The following ATRX variants were observed in gnomAD, a reference collection of about 807,000 sequenced individuals.
The protein encoded by ATRX is ATRX chromatin remodeler, also known as chromatin remodeler ATRX.
Under a neutral mutation model 172.6 loss-of-function variants are expected in ATRX, and 12 were observed. That is an observed-to-expected ratio of 0.07 (90% CI 0.04 to 0.11). ATRX has a LOEUF of 0.11. ATRX is among the 10% of genes least tolerant of loss of function. The pLI, the probability that ATRX is intolerant of heterozygous loss-of-function variation, is 1.00. For missense variants in ATRX, 1,368 were observed against 1,767.4 expected (o/e 0.77, Z 4.05); for synonymous variants, 674 against 594.7 (o/e 1.13, Z -1.94).
At chrX:77,558,630 C>T (rs1557060201) in intron 29 of ATRX, 39 bp downstream of exon 29, 1 of 1,085,414 alleles carries the variant, frequency 9.2e-7, no homozygotes, top group Admixed American at 2.3e-5. Flanking sequence ...ATCAGTTTCA[C>T]ATAAACTTTC....
chrX:77,666,500 T>A (rs2070242896), intron 10 of ATRX, among the ~76,000 whole-genome samples: 1 of 112,318 alleles, frequency 8.9e-6, no homozygotes, highest in Admixed American at 9.4e-5. Flanking sequence ...AGTTTCAGAA[T>A]AAAGGGAAAC....
Position 77,522,119 on chromosome X carries a change from C to T in ATRX, c.6975+144G>A, listed in dbSNP as rs934089937. Reference sequence around the variant, plus strand: ...CAACATCATGTTGGTTCAAAACGGTCAACAAATAAAACAAAAATTTATTCG... The same window carrying T: ...CAACATCATGTTGGTTCAAAACGGTTAACAAATAAAACAAAAATTTATTCG... On this transcript the variant is annotated intron_variant, in intron 32 of 34. Coordinates refer to ENST00000373344, the MANE Select transcript of ATRX (RefSeq NM_000489.6). 4.8e-6 allele frequency: 4 copies of T among 840,223 alleles called. No homozygotes were observed. In the East Asian group the frequency reaches 1.3e-4, roughly 27 times the overall value. The allele number at this position is 840,223 out of a possible 1,213,427, so 69.2% of individuals were successfully genotyped here. A position where few individuals can be genotyped will look rare whatever the true frequency, so the allele number is the denominator to read the frequency against.
chrX:77,734,483 G>A (rs868954363), intron 1 of ATRX, among the ~76,000 whole-genome samples: 3 of 111,342 alleles, frequency 2.7e-5, no homozygotes, highest in Non-Finnish European at 3.8e-5. Context: ...ATCCATATAC[G>A]GAAGAATGAA....
intron 1 of ATRX, among the ~76,000 whole-genome samples, chrX:77,757,005 C>A (rs1300449454): frequency 9.0e-6 from 1 of 110,863 alleles, no homozygotes; most frequent in Non-Finnish European, 1.9e-5. Context: ...AGGCTGGTCT[C>A]GAACTCCTGG....
chrX:77,772,849 T>C (rs2076207935), intron 1 of ATRX, among the ~76,000 whole-genome samples: 1 of 96,714 alleles, frequency 1.0e-5, no homozygotes, highest in African/African-American at 3.7e-5. Context: ...TCACCACCAA[T>C]TTTTTTTTTT....
rs2071369876 is a variant in ATRX at position 77,683,501 on chromosome X, T to C, written c.1755A>G (p.Glu585=). ...KSKTTAKVTK[E]LYVKLTPVSL... is the part of the protein sequence containing the mutation. ...AAACAGGAGTGAGTTTAACATATAA[T>C]TCTTTTGTTACTTTAGCTGTAGTTT... Residue 585 remains glutamate (E), a synonymous_variant, in exon 9 of 35, where the codon GAA becomes GAG. Coordinates refer to ENST00000373344, the MANE Select transcript of ATRX (RefSeq NM_000489.6). 30 of 1,207,082 alleles carry C rather than the reference T, an allele frequency of 2.5e-5. No homozygotes were observed. Among genetic ancestry groups the C allele is most frequent in the Non-Finnish European group, 3.4e-5 (30 of 892,548 alleles).
At chrX:77,709,341 T>C (rs1006012131) in intron 2 of ATRX, among the ~76,000 whole-genome samples, 4 of 111,848 alleles carry the variant, frequency 3.6e-5, no homozygotes, top group Non-Finnish European at 7.5e-5. Flanking sequence ...ACACCCAGTG[T>C]TGGCAAGGAT....
intron 1 of ATRX, among the ~76,000 whole-genome samples, chrX:77,726,090 A>G (rs1386953457): frequency 1.8e-5 from 2 of 111,742 alleles, no homozygotes; most frequent in African/African-American, 6.5e-5. Context: ...CTAGAACTAG[A>G]AATACCATTT....
At chrX:77,741,494 C>A (rs782806984) in intron 1 of ATRX, among the ~76,000 whole-genome samples, 2 of 110,031 alleles carry the variant, frequency 1.8e-5, no homozygotes, top group Non-Finnish European at 3.8e-5. Flanking sequence ...TGGAGTCTTG[C>A]GCTCTCGCCC....
chrX:77,598,329 GA>G lies in ATRX; in HGVS notation c.5956+1081del, dbSNP rs2066543836. Among the ~76,000 whole-genome samples, 3 of 111,076 alleles carry G rather than the reference GA, an allele frequency of 2.7e-5. No individual in the cohort carries two copies. In the East Asian group the frequency reaches 8.4e-4, roughly 31 times the overall value. ...GGCAAAGACTGAAAAACTAACTACT[GA>G]GTACTATGTTCAGTACCTGGGGATG... is the stretch of plus-strand genomic sequence containing the variant. On this transcript the variant is annotated intron_variant, in intron 25 of 34. Transcript: ENST00000373344.
chrX:77,616,418 C>A, intron 22 of ATRX, 195 bp downstream of exon 22: 1 of 1,107,645 alleles, frequency 9.0e-7, no homozygotes. Flanking sequence ...TCTTTTTCAT[C>A]AATTTGCTTC....
At position 77,506,897 on chromosome X, in the gene ATRX, C is replaced by CTTTTTTTTTTT. The variant is rs139948612; in HGVS notation, c.*1443_*1453dup. Reference sequence around the variant, plus strand: ...TAAAGCAAAGCCCAAACCCAGTTTTCTTTTTTTTTTTTTTTTTTTTTTTTT... The same window carrying CTTTTTTTTTTT: ...TAAAGCAAAGCCCAAACCCAGTTTTCTTTTTTTTTTTTTTTTTTTTTTTTTTTTTTTTTTTT... On this transcript the variant is annotated 3_prime_UTR_variant, in exon 35 of 35. Coordinates refer to ENST00000373344, the MANE Select transcript of ATRX (RefSeq NM_000489.6). The CTTTTTTTTTTT allele has an allele frequency of 5.0e-5, 3 of 60,065 alleles. No individual in the cohort carries two copies. Among genetic ancestry groups the CTTTTTTTTTTT allele is most frequent in the Non-Finnish European group, 6.1e-5 (2 of 32,948 alleles). 5.0% of individuals were successfully genotyped at this position (60,065 alleles called of 1,213,427 possible).
At chrX:77,636,888 AGAAGAAGAAAGAAGAAGAAGAAG>A (rs1159060600) in intron 15 of ATRX, among the ~76,000 whole-genome samples, 1 of 100,996 alleles carries the variant, frequency 9.9e-6, no homozygotes, top group Non-Finnish European at 2.0e-5. Flanking sequence ...AGGAGGAGGA[AGAAGAAGAAAGAAGAAGAAGAAG>A]GAAGAAGGAA....
At chrX:77,636,634 C>T (rs1474905282) in intron 15 of ATRX, among the ~76,000 whole-genome samples, 2 of 110,692 alleles carry the variant, frequency 1.8e-5, no homozygotes, top group African/African-American at 6.6e-5. Flanking sequence ...CAAAACTCTC[C>T]AAAAAATTTT....
At chrX:77,669,181 T>C (rs1220162731) in intron 10 of ATRX, among the ~76,000 whole-genome samples, 4 of 112,020 alleles carry the variant, frequency 3.6e-5, no homozygotes, top group African/African-American at 9.7e-5. Flanking sequence ...AGCTAACTAG[T>C]GGCAAAGTCA....
At chrX:77,538,232 C>CACACACACAG (rs2063828202) in intron 30 of ATRX, among the ~76,000 whole-genome samples, 2 of 95,747 alleles carry the variant, frequency 2.1e-5, no homozygotes, top group Non-Finnish European at 4.3e-5. Context: ...CACACACAAA[C>CACACACACAG]ACACACACAC....
intron 28 of ATRX, among the ~76,000 whole-genome samples, chrX:77,572,069 T>A (rs1039229347): frequency 8.9e-6 from 1 of 111,822 alleles, no homozygotes; most frequent in Non-Finnish European, 1.9e-5. Flanking sequence ...CTTGCTCTTT[T>A]CATTTTGTTT....
At chrX:77,509,904 C>T (rs1457070635) in intron 34 of ATRX, among the ~76,000 whole-genome samples, 2 of 11,114 alleles carry the variant, frequency 1.8e-4, no homozygotes, top group Non-Finnish European at 1.9e-4. Flanking sequence ...AGCCAGTGGA[C>T]GGGGGGCGGG....
chrX:77,538,916 T>A (rs1217395101), intron 30 of ATRX, among the ~76,000 whole-genome samples: 2 of 104,345 alleles, frequency 1.9e-5, no homozygotes, highest in African/African-American at 7.0e-5. Context: ...TTTTTTTTGA[T>A]ACAGAGTCTC....
Sources: allele counts gnomAD v4.1 joint callset (sites outside exome capture counted in the v4.1 genomes callset), GRCh38; gene constraint gnomAD v4.1.1; transcripts MANE v1.5; gene names NCBI Gene and HGNC (gene_info 2026-07-23, HGNC 2026-07-21).